Variants in PREX2 observed in about 807,000 individuals in gnomAD.
PREX2 encodes the protein phosphatidylinositol 3,4,5-trisphosphate-dependent Rac exchanger 2 protein.
Under a neutral mutation model 203.2 loss-of-function variants are expected in PREX2, and 107 were observed. The observed-to-expected ratio is 0.53, with a 90% CI of 0.45 to 0.62. PREX2 has a LOEUF of 0.62. Among genes scored for constraint, PREX2 ranks in the 20% least tolerant of loss-of-function variants. PREX2 has a pLI of 0.00. For synonymous variants in PREX2, 672 were observed against 663.6 expected (o/e 1.01, Z -0.19); for missense variants, 1,777 against 1,955.9 (o/e 0.91, Z 1.72).
chr8:68,202,375 C>G (rs1326620888), intron 37 of PREX2, among the ~76,000 whole-genome samples: 13 of 152,094 alleles, frequency 8.5e-5, no homozygotes, highest in Admixed American at 8.5e-4. Context: ...GTGGAAGGCT[C>G]TGGCTGCTGG....
chr8:68,108,235 C>T lies in PREX2; in HGVS notation c.2842C>T (p.Pro948Ser), dbSNP rs760670689. The part of the protein sequence containing the change: ...CHVNVMEVSY[P>S]KTSTSLGSAF... Reference sequence around the variant, plus strand: ...TGTCAATGTGATGGAAGTTTCTTATCCCAAAACATCAACCTCTTTGGGAAG... The same window carrying T: ...TGTCAATGTGATGGAAGTTTCTTATTCCAAAACATCAACCTCTTTGGGAAG... The change falls in exon 24 of 40, where the codon CCC becomes TCC. Residue 948 changes from proline (P) to serine (S), a missense_variant. Transcript: ENST00000288368. The T allele has an allele frequency of 6.2e-7, 1 of 1,613,916 alleles. No individual in the cohort carries two copies.
At chr8:68,108,654 A>C (rs2129612808) in intron 24 of PREX2, among the ~76,000 whole-genome samples, 1 of 152,318 alleles carries the variant, frequency 6.6e-6, no homozygotes, top group African/African-American at 2.4e-5. Context: ...ATACCTGAGG[A>C]ACAGCTGCAG....
At chr8:68,172,091 T>G (rs548195658) in intron 35 of PREX2, among the ~76,000 whole-genome samples, 6 of 152,334 alleles carry the variant, frequency 3.9e-5, no homozygotes, top group African/African-American at 1.4e-4. Flanking sequence ...AATGTGTATA[T>G]TCATATTCAA....
In PREX2 at chr8:68,118,151, G is replaced by C. The variant is rs367656498; in HGVS notation, c.3327-399G>C. Among the ~76,000 whole-genome samples, 190 of 152,106 alleles carry C rather than the reference G, an allele frequency of 1.2e-3. 1 individual carries two copies. The East Asian group carries it at 0.019, about 16-fold the overall frequency. On this transcript the variant is annotated intron_variant, in intron 26 of 39. Coordinates refer to ENST00000288368, the MANE Select transcript of PREX2 (RefSeq NM_024870.4). ...TGGGCGGATCACAAGGTCAGGAGAT[G>C]GAGACCATCCTGGCTAACATGGTGA...
At chr8:68,033,300 A>T (rs1406588459) in intron 6 of PREX2, among the ~76,000 whole-genome samples, 2 of 152,134 alleles carry the variant, frequency 1.3e-5, no homozygotes, top group South Asian at 4.1e-4. Flanking sequence ...TTGTTTGGGG[A>T]TGATATATAA....
intron 35 of PREX2, among the ~76,000 whole-genome samples, chr8:68,167,499 T>G (rs1454895557): frequency 6.6e-6 from 1 of 151,934 alleles, no homozygotes; most frequent in Non-Finnish European, 1.5e-5. Flanking sequence ...GCCCAGCTAA[T>G]TTTTGTATTT....
At chr8:68,035,540 A>G (rs963599029) in intron 6 of PREX2, among the ~76,000 whole-genome samples, 1 of 152,146 alleles carries the variant, frequency 6.6e-6, no homozygotes, top group African/African-American at 2.4e-5. Context: ...GAGATAATGC[A>G]CAGATTTAAA....
At chr8:67,959,841 A>T (rs1372844724) in intron 1 of PREX2, among the ~76,000 whole-genome samples, 26 of 152,108 alleles carry the variant, frequency 1.7e-4, no homozygotes, top group Non-Finnish European at 1.2e-4. Context: ...ACAGAATCTG[A>T]TGAACTGGTT....
intron 37 of PREX2, among the ~76,000 whole-genome samples, chr8:68,215,093 G>A (rs1313875924): frequency 1.3e-5 from 2 of 152,182 alleles, no homozygotes; most frequent in African/African-American, 4.8e-5. Flanking sequence ...CAGAGAGCAT[G>A]TTCCTGGGCA....
intron 1 of PREX2, among the ~76,000 whole-genome samples, chr8:67,968,089 A>G (rs1022607598): frequency 6.7e-6 from 1 of 149,624 alleles, no homozygotes; most frequent in African/African-American, 2.5e-5. Flanking sequence ...AAAAAAGAGT[A>G]CCTTGCAAAC....
At chr8:67,955,698 A>G (rs932914445) in intron 1 of PREX2, among the ~76,000 whole-genome samples, 1 of 152,206 alleles carries the variant, frequency 6.6e-6, no homozygotes, top group African/African-American at 2.4e-5. Flanking sequence ...AATTGTGTGC[A>G]GTGCTTGTGA....
At chr8:68,064,816 C>CT (rs1356553373) in intron 11 of PREX2, among the ~76,000 whole-genome samples, 1 of 152,104 alleles carries the variant, frequency 6.6e-6, no homozygotes, top group African/African-American at 2.4e-5. Context: ...ACCTTTAACT[C>CT]CGTGTTCAGT....
chr8:68,038,598 G>A lies in PREX2; in HGVS notation c.839+306G>A, dbSNP rs544339226. ...TATCTCAGGCCCTGGAGGAGAGGGT[G>A]GTGTGTCTTCTTTGCTTCCTAATCT... On this transcript the variant is annotated intron_variant, in intron 7 of 39. Transcript: ENST00000288368. Among the ~76,000 whole-genome samples the A allele has an allele frequency of 7.9e-5, 12 of 152,136 alleles. No homozygotes were observed. The East Asian group carries it at 2.3e-3, about 29-fold the overall frequency.
At chr8:68,071,204 T>A (rs1005439314) in intron 13 of PREX2, among the ~76,000 whole-genome samples, 5 of 152,164 alleles carry the variant, frequency 3.3e-5, no homozygotes, top group Non-Finnish European at 7.4e-5. Context: ...GGAATTTTTC[T>A]TTGGCTAAAA....
intron 31 of PREX2, among the ~76,000 whole-genome samples, chr8:68,131,917 G>T (rs1461731212): frequency 6.6e-6 from 1 of 152,028 alleles, no homozygotes; most frequent in Non-Finnish European, 1.5e-5. Context: ...CAAATCTACT[G>T]AAGTATTTTT....
In PREX2 at chr8:68,027,330, T is replaced by C; in HGVS notation, c.543+7T>C. On this transcript the variant is annotated splice_region_variant and intron_variant, in intron 5 of 39. Coordinates refer to ENST00000288368, the MANE Select transcript of PREX2 (RefSeq NM_024870.4). ...GTACCCTCTTATTTTGAAGGTATTT[T>C]ATGTGCTACCTCATTGTAGCCATTT... The C allele has an allele frequency of 3.3e-6, 5 of 1,504,838 alleles. No individual in the cohort carries two copies. Among genetic ancestry groups the C allele is most frequent in the Non-Finnish European group, 4.6e-6 (5 of 1,080,936 alleles). The allele number at this position is 1,504,838 out of a possible 1,614,324, so 93.2% of individuals were successfully genotyped here.
At chr8:68,033,860 A>T (rs1438639083) in intron 6 of PREX2, among the ~76,000 whole-genome samples, 2 of 152,170 alleles carry the variant, frequency 1.3e-5, no homozygotes, top group Non-Finnish European at 2.9e-5. Context: ...GTTGGCTGAG[A>T]TGCTGTACTC....
chr8:68,174,484 C>T (rs1224052676), intron 35 of PREX2, among the ~76,000 whole-genome samples: 2 of 152,108 alleles, frequency 1.3e-5, no homozygotes, highest in African/African-American at 4.8e-5. Context: ...CTTGGCTTGG[C>T]TTTTCATAAT....
chr8:68,038,076 A>T (rs1246405937), intron 6 of PREX2, 83 bp from the exon 7 acceptor site: 1 of 1,422,002 alleles, frequency 7.0e-7, no homozygotes. Context: ...AATAAAAACA[A>T]CCATAATTGT....
Sources: gnomAD v4.1 joint callset for allele counts (sites outside exome capture counted in the v4.1 genomes callset) on GRCh38, gnomAD v4.1.1 for gene constraint, MANE v1.5 for transcripts, NCBI Gene and HGNC (gene_info 2026-07-23, HGNC 2026-07-21) for gene names.